MEF2C: variants seen among roughly 807,000 people sequenced by gnomAD.
MEF2C encodes myocyte-specific enhancer factor 2C.
MEF2C carries 6 observed loss-of-function variants against 50.5 expected under a neutral mutation model. The observed-to-expected ratio is 0.12, with a 90% CI of 0.07 to 0.23. The LOEUF is 0.23. Among genes scored for constraint, MEF2C ranks in the 10% least tolerant of loss-of-function variants. MEF2C has a pLI of 1.00. For synonymous variants in MEF2C, 183 were observed against 228.0 expected (o/e 0.80, Z 1.78); for missense variants, 276 against 605.0 (o/e 0.46, Z 5.70).
chr5:88,901,674 T>C (rs1835666050), intron 1 of MEF2C, among the ~76,000 whole-genome samples: 1 of 151,978 alleles, frequency 6.6e-6, no homozygotes, highest in Non-Finnish European at 1.5e-5. Flanking sequence ...AACTCCAATA[T>C]TTTATTAAAA....
chr5:88,780,725 T>A (rs1329908917), intron 3 of MEF2C: 1 of 968,370 alleles, frequency 1.0e-6, no homozygotes, highest in Non-Finnish European at 1.2e-6. Flanking sequence ...TGACTAATAC[T>A]TCAATGAAAT....
intron 1 of MEF2C, among the ~76,000 whole-genome samples, chr5:88,849,652 C>T (rs922407981): frequency 5.9e-5 from 9 of 152,222 alleles, no homozygotes; most frequent in South Asian, 2.1e-4. Flanking sequence ...AATTATCTAT[C>T]GTTAATCAAT....
At chr5:88,893,138 GA>G (rs1397248677) in intron 1 of MEF2C, among the ~76,000 whole-genome samples, 7 of 151,846 alleles carry the variant, frequency 4.6e-5, no homozygotes, top group Non-Finnish European at 8.8e-5. Context: ...ATGTATTACA[GA>G]AAAAAACAGA....
intron 1 of MEF2C, among the ~76,000 whole-genome samples, chr5:88,833,449 G>GA (rs1328077659): frequency 1.3e-5 from 2 of 151,282 alleles, no homozygotes; most frequent in Non-Finnish European, 3.0e-5. Context: ...ATATCCTGTG[G>GA]AAAAAAAAAT....
chr5:88,820,322 T>C (rs1463446098), intron 2 of MEF2C, among the ~76,000 whole-genome samples: 1 of 152,030 alleles, frequency 6.6e-6, no homozygotes, highest in Non-Finnish European at 1.5e-5. Context: ...CGTATTGATG[T>C]TTCTGAATTT....
chr5:88,759,240 T>C (rs190428688), intron 4 of MEF2C, among the ~76,000 whole-genome samples: 1 of 152,208 alleles, frequency 6.6e-6, no homozygotes, highest in East Asian at 1.9e-4. Flanking sequence ...CCCAGCACCT[T>C]GGGAGGCCCA....
At chr5:88,898,712 T>G (rs533487698) in intron 1 of MEF2C, among the ~76,000 whole-genome samples, 1 of 152,276 alleles carries the variant, frequency 6.6e-6, no homozygotes, top group Admixed American at 6.5e-5. Context: ...AAAAAATACA[T>G]TAATCATGTT....
intron 3 of MEF2C, among the ~76,000 whole-genome samples, chr5:88,790,231 GT>G (rs1484546544): frequency 3.3e-5 from 5 of 152,192 alleles, no homozygotes; most frequent in South Asian, 2.1e-4. Flanking sequence ...GTAAGAACCT[GT>G]TTTATAGCAT....
intron 3 of MEF2C, among the ~76,000 whole-genome samples, chr5:88,795,249 C>T (rs1008732023): frequency 2.6e-5 from 4 of 152,100 alleles, no homozygotes; most frequent in Non-Finnish European, 5.9e-5. Context: ...TGGCCATTTT[C>T]ACGATATAGA....
At chr5:88,770,833 A>C (rs1164438213) in intron 3 of MEF2C, among the ~76,000 whole-genome samples, 1 of 151,966 alleles carries the variant, frequency 6.6e-6, no homozygotes, top group Non-Finnish European at 1.5e-5. Flanking sequence ...TCTCCTTGAA[A>C]ACCCTCCACC....
At chr5:88,816,017 T>C (rs945313758) in intron 2 of MEF2C, among the ~76,000 whole-genome samples, 1 of 151,998 alleles carries the variant, frequency 6.6e-6, no homozygotes, top group Non-Finnish European at 1.5e-5. Flanking sequence ...TGAGATACAA[T>C]AAATAAAAGC....
At chr5:88,851,085 T>C (rs2153383498) in intron 1 of MEF2C, among the ~76,000 whole-genome samples, 1 of 152,140 alleles carries the variant, frequency 6.6e-6, no homozygotes, top group East Asian at 1.9e-4. Flanking sequence ...ATAGAAAAAT[T>C]AGCTGGGCGT....
chr5:88,849,088 T>C (rs542819707), intron 1 of MEF2C, among the ~76,000 whole-genome samples: 3 of 148,988 alleles, frequency 2.0e-5, no homozygotes, highest in Admixed American at 1.4e-4. Context: ...GAGGCAGAGG[T>C]TGCAGTGAGC....
intron 2 of MEF2C, among the ~76,000 whole-genome samples, chr5:88,821,452 A>G (rs1808326712): frequency 6.6e-6 from 1 of 151,716 alleles, no homozygotes; most frequent in African/African-American, 2.4e-5. Context: ...AAAATAAGAG[A>G]TTGCATCTCC....
At chr5:88,869,059 A>G (rs1434326853) in intron 1 of MEF2C, among the ~76,000 whole-genome samples, 1 of 151,768 alleles carries the variant, frequency 6.6e-6, no homozygotes. Context: ...CAATTAATCT[A>G]TATGATGTGA....
At chr5:88,862,957 G>A (rs560943346) in intron 1 of MEF2C, among the ~76,000 whole-genome samples, 7 of 152,340 alleles carry the variant, frequency 4.6e-5, no homozygotes, top group South Asian at 4.1e-4. Context: ...GGCCTGCACA[G>A]CTTTTCTAAA....
chr5:88,737,971 T>C, intron 6 of MEF2C: 9 of 985,182 alleles, frequency 9.1e-6, no homozygotes, highest in African/African-American at 1.7e-5. Flanking sequence ...CAAAAGGGGG[T>C]TGGACTGCTG....
At chr5:88,770,747 C>G (rs1337118089) in intron 3 of MEF2C, among the ~76,000 whole-genome samples, 2 of 152,174 alleles carry the variant, frequency 1.3e-5, no homozygotes, top group Admixed American at 1.3e-4. Flanking sequence ...TGTTTTTGGA[C>G]TCCCACCTTC....
At chr5:88,848,876 G>C (rs1476311772) in intron 1 of MEF2C, among the ~76,000 whole-genome samples, 1 of 152,118 alleles carries the variant, frequency 6.6e-6, no homozygotes, top group African/African-American at 2.4e-5. Context: ...TTGTGAGCCA[G>C]GCGTGGTGGC....
Sources: gnomAD v4.1 joint callset for allele counts (sites outside exome capture counted in the v4.1 genomes callset) on GRCh38, gnomAD v4.1.1 for gene constraint, MANE v1.5 for transcripts, NCBI Gene and HGNC (gene_info 2026-07-23, HGNC 2026-07-21) for gene names.